Variants in EDN3 observed in about 807,000 individuals in gnomAD.
The protein encoded by EDN3 is endothelin 3.
Under a neutral mutation model 21.4 loss-of-function variants are expected in EDN3, and 9 were observed. The ratio of observed to expected loss-of-function variants is 0.42; its 90% CI spans 0.25 to 0.73. The LOEUF (loss-of-function observed/expected upper bound fraction) is 0.73. Ranked by LOEUF, EDN3 falls within the 30% of genes least tolerant of loss-of-function variation. The pLI is 0.26. For synonymous variants in EDN3, 133 were observed against 126.2 expected, an observed-to-expected ratio of 1.05 and a Z score of -0.36; for missense variants, 327 against 309.4, an observed-to-expected ratio of 1.06 and a Z score of -0.43.
At chr20:59,315,789 T>C (rs1990135074) in intron 2 of EDN3, among the ~76,000 whole-genome samples, 1 of 152,250 alleles carries the variant, frequency 6.6e-6, no homozygotes, top group South Asian at 2.1e-4. Flanking sequence ...TTACGCCCAG[T>C]CTCTGAGATC....
rs11570274 is a variant in EDN3 at position 59,305,422 on chromosome 20, C to T, written c.365+3700C>T. Among the ~76,000 whole-genome samples, 1 of 152,190 alleles carries T rather than the reference C, an allele frequency of 6.6e-6. No individual in the cohort carries two copies. The highest frequency in any genetic ancestry group is 1.5e-5 in the Non-Finnish European group (1 of 68,040). On this transcript the variant is annotated intron_variant, in intron 2 of 4. Transcript: ENST00000337938. This position sits in a 1 kb window ranked among gnomAD's most constrained non-coding sequence, Gnocchi z 4.2. ...ATGAGCAGACTGAAGAAACAGATAC[C>T]AGGTAGCTGGGGCCTGTAGGAGTCA...
At position 59,322,375 on chromosome 20, in the gene EDN3, T is replaced by C; in HGVS notation, c.546T>C (p.Asn182=). The change falls in exon 4 of 5, where the codon AAT becomes AAC. Residue 182 remains asparagine (N), a synonymous_variant. Transcript: ENST00000337938. The surrounding 1 kb of genome is among the most constrained non-coding windows in gnomAD (Gnocchi z 4.1). ...FCTQTLDVSS[N]SRTAEKTDKE... ...AAAACCAGCTCTCTCCCCACAGTAA[T>C]TCAAGGACGGCAGAAAAAACAGACA... 1.2e-6 allele frequency: 2 copies of C among 1,614,042 alleles called. No homozygotes were observed. Among genetic ancestry groups the C allele is most frequent in the Non-Finnish European group, 1.7e-6 (2 of 1,180,022 alleles).
At chr20:59,300,933 G>T in intron 1 of EDN3, 69 bp downstream of exon 1, 1 of 1,556,748 alleles carries the variant, frequency 6.4e-7, no homozygotes, top group East Asian at 2.3e-5. Flanking sequence ...CGGGGGACCC[G>T]AGGCGCGGAG....
At chr20:59,303,650 T>G (rs901575989) in intron 2 of EDN3, among the ~76,000 whole-genome samples, 1 of 152,206 alleles carries the variant, frequency 6.6e-6, no homozygotes, top group African/African-American at 2.4e-5. Flanking sequence ...AGTGATGACT[T>G]GAGACATGTC....
chr20:59,322,545 A>G lies in EDN3; in HGVS notation c.588+128A>G. On this transcript the variant is annotated intron_variant, in intron 4 of 4. Transcript: ENST00000337938. The surrounding 1 kb of genome is among the most constrained non-coding windows in gnomAD (Gnocchi z 4.1). ...TGGTCCAGTGGGAACCCCAGATCTC[A>G]TGGGATGCTGCACCCACAAGCAATG... 1 of 1,258,972 alleles carries G rather than the reference A, an allele frequency of 7.9e-7. No individual in the cohort carries two copies. 78.0% of individuals were successfully genotyped at this position (1,258,972 alleles called of 1,614,324 possible).
chr20:59,310,074 T>A (rs1325693359), intron 2 of EDN3, among the ~76,000 whole-genome samples: 2 of 152,210 alleles, frequency 1.3e-5, no homozygotes, highest in African/African-American at 4.8e-5. Context: ...AAGGCTCTGA[T>A]GTGTCTGGTC....
chr20:59,323,987 C>T (rs569022321), intron 4 of EDN3, among the ~76,000 whole-genome samples: 1 of 152,218 alleles, frequency 6.6e-6, no homozygotes, highest in African/African-American at 2.4e-5. Context: ...AGCCAATGTT[C>T]TTGCTTTCTT....
At chr20:59,320,933 C>T (rs570934824) in intron 2 of EDN3, 84 bp from the exon 3 acceptor site, 48 of 1,442,542 alleles carry the variant, frequency 3.3e-5, no homozygotes, top group Admixed American at 1.9e-4. Context: ...TTCAGCCAGG[C>T]GGTGGTTCTC....
intron 2 of EDN3, among the ~76,000 whole-genome samples, chr20:59,306,389 C>G (rs1989410473): frequency 6.6e-6 from 1 of 151,988 alleles, no homozygotes; most frequent in Non-Finnish European, 1.5e-5. Context: ...GTGCTGTTGC[C>G]TCTCTGTGAC....
chr20:59,316,601 G>A (rs1260432984), intron 2 of EDN3, among the ~76,000 whole-genome samples: 1 of 152,206 alleles, frequency 6.6e-6, no homozygotes, highest in East Asian at 1.9e-4. Flanking sequence ...TAAAACAAAA[G>A]TCAGCTTTCC....
Position 59,324,989 on chromosome 20 carries a change from G to C in EDN3, c.*530G>C, listed in dbSNP as rs1179147783. 1 of 159,446 alleles carries C rather than the reference G, an allele frequency of 6.3e-6. No homozygotes were observed. The highest frequency in any genetic ancestry group is 2.4e-5 in the African/African-American group (1 of 41,542). The allele number at this position is 159,446 out of a possible 1,614,324, so 9.9% of individuals were successfully genotyped here. ...GAGTTTATGAATTTGAAGCTTATGG[G>C]ATTTTGGCAGAGAAATTTTCAGCTG... On this transcript the variant is annotated 3_prime_UTR_variant, in exon 5 of 5. Transcript: ENST00000337938.
chr20:59,310,628 C>T (rs1316685884), intron 2 of EDN3, among the ~76,000 whole-genome samples: 2 of 152,094 alleles, frequency 1.3e-5, no homozygotes, highest in South Asian at 2.1e-4. Flanking sequence ...TTGTGGCCTC[C>T]TCAGGGCAGA....
chr20:59,312,639 T>G (rs1325340288), intron 2 of EDN3, among the ~76,000 whole-genome samples: 1 of 152,190 alleles, frequency 6.6e-6, no homozygotes, highest in Non-Finnish European at 1.5e-5. Context: ...CTAAATACAG[T>G]TGATGAGATC....
intron 3 of EDN3, among the ~76,000 whole-genome samples, chr20:59,321,598 G>C (rs555295886): frequency 2.7e-4 from 41 of 150,378 alleles, no homozygotes; most frequent in Non-Finnish European, 4.6e-4. Context: ...AGTGCAAAAG[G>C]CTTATTGGGA....
chr20:59,321,359 G>T (rs189413443), intron 3 of EDN3, among the ~76,000 whole-genome samples, 166 bp downstream of exon 3: 22 of 152,290 alleles, frequency 1.4e-4, no homozygotes, highest in African/African-American at 5.3e-4. Flanking sequence ...AAAAGACCCA[G>T]GTCCTCAGCA....
intron 2 of EDN3, among the ~76,000 whole-genome samples, chr20:59,303,913 GCTA>G (rs1207480438): frequency 6.6e-6 from 1 of 152,126 alleles, no homozygotes; most frequent in African/African-American, 2.4e-5. Context: ...CATCCCCTGA[GCTA>G]CTTGGGAAAC....
At chr20:59,306,270 G>C (rs1989402542) in intron 2 of EDN3, among the ~76,000 whole-genome samples, 1 of 152,192 alleles carries the variant, frequency 6.6e-6, no homozygotes, top group South Asian at 2.1e-4. Context: ...TCATGATCAT[G>C]GTGGAAAATT....
chr20:59,319,148 G>A lies in EDN3; in HGVS notation c.366-1869G>A, dbSNP rs543940810. Among the ~76,000 whole-genome samples, 6 of 152,204 alleles carry A rather than the reference G, an allele frequency of 3.9e-5. No homozygotes were observed. The South Asian group carries it at 8.3e-4, about 21-fold the overall frequency. Reference sequence around the variant, plus strand: ...TCCTGAGCACAGATGGCTCATCAGCGGGGCCTGTCTCTGCCTGGAGGGATC... The same window carrying A: ...TCCTGAGCACAGATGGCTCATCAGCAGGGCCTGTCTCTGCCTGGAGGGATC... On this transcript the variant is annotated intron_variant, in intron 2 of 4. Transcript: ENST00000337938.
intron 2 of EDN3, among the ~76,000 whole-genome samples, chr20:59,315,210 G>A (rs1414501776): frequency 1.3e-5 from 2 of 152,224 alleles, no homozygotes; most frequent in Non-Finnish European, 2.9e-5. Flanking sequence ...GAAAGCATGC[G>A]AGGGTCTAGA....
Sources: gnomAD v4.1 joint callset for allele counts (sites outside exome capture counted in the v4.1 genomes callset) on GRCh38, gnomAD v4.1.1 for gene constraint, Gnocchi (gnomAD v3.1) non-coding constraint, MANE v1.5 for transcripts, NCBI Gene and HGNC (gene_info 2026-07-23, HGNC 2026-07-21) for gene names.